CEP128: variants seen among roughly 807,000 people sequenced by gnomAD.
The protein encoded by CEP128 is centrosomal protein 128kDa.
In CEP128, 132 loss-of-function variants were observed where a neutral mutation model predicts 156.7. The ratio of observed to expected loss-of-function variants is 0.84; its 90% CI spans 0.73 to 0.97. CEP128 has a LOEUF of 0.97. Among genes scored for constraint, CEP128 ranks in the 50% least tolerant of loss-of-function variants. The pLI is 0.00. For missense variants in CEP128, 1,252 were observed against 1,281.9 expected (o/e 0.98, Z 0.36); for synonymous variants, 469 against 448.9 (o/e 1.04, Z -0.57).
At chr14:80,518,883 T>G (rs1888611344) in intron 23 of CEP128, among the ~76,000 whole-genome samples, 1 of 152,162 alleles carries the variant, frequency 6.6e-6, no homozygotes, top group Admixed American at 6.5e-5. Flanking sequence ...TAAAAATATT[T>G]CAAAATGCTT....
At chr14:80,518,670 T>C (rs1888602595) in intron 23 of CEP128, among the ~76,000 whole-genome samples, 1 of 152,246 alleles carries the variant, frequency 6.6e-6, no homozygotes, top group Non-Finnish European at 1.5e-5. Flanking sequence ...CACACATTTA[T>C]GACTGTTATT....
chr14:80,531,271 A>G (rs1263964279), intron 21 of CEP128, among the ~76,000 whole-genome samples: 2 of 152,218 alleles, frequency 1.3e-5, no homozygotes, highest in African/African-American at 4.8e-5. Flanking sequence ...ATCTGCAGTT[A>G]CTTATCTATG....
chr14:80,643,927 G>A (rs1199904759), intron 19 of CEP128, among the ~76,000 whole-genome samples: 1 of 152,194 alleles, frequency 6.6e-6, no homozygotes, highest in African/African-American at 2.4e-5. Flanking sequence ...GAGATAGCGT[G>A]AGTCAAGGAT....
At chr14:80,883,218 A>G (rs896798989) in intron 8 of CEP128, among the ~76,000 whole-genome samples, 1 of 152,118 alleles carries the variant, frequency 6.6e-6, no homozygotes, top group Non-Finnish European at 1.5e-5. Context: ...ATTTTTTAAA[A>G]TAAAATAGAA....
intron 19 of CEP128, among the ~76,000 whole-genome samples, chr14:80,710,360 T>G (rs996840225): frequency 6.6e-6 from 1 of 152,122 alleles, no homozygotes; most frequent in East Asian, 1.9e-4. Flanking sequence ...AATTCAGATT[T>G]AACTCTTGAA....
At chr14:80,869,094 A>G (rs143888858) in intron 8 of CEP128, among the ~76,000 whole-genome samples, 1 of 146,352 alleles carries the variant, frequency 6.8e-6, no homozygotes, top group African/African-American at 2.5e-5. Flanking sequence ...ATAGAGAAAC[A>G]TTAGACTTGA....
chr14:80,830,854 A>C lies in CEP128; in HGVS notation c.1209+289T>G, dbSNP rs542301330. Reference sequence around the variant, plus strand: ...CCCTTCTGTCTGTAGAAAGGGTTCAATTGCTATTAGAACAAAAATATTTTC... The same window carrying C: ...CCCTTCTGTCTGTAGAAAGGGTTCACTTGCTATTAGAACAAAAATATTTTC... On this transcript the variant is annotated intron_variant, in intron 13 of 24. Coordinates refer to ENST00000555265, the MANE Select transcript of CEP128 (RefSeq NM_152446.5). The C allele has an allele frequency of 1.0e-5, 3 of 295,686 alleles. No individual in the cohort carries two copies. In the South Asian group the frequency reaches 1.4e-4, roughly 13 times the overall value. 18.3% of individuals were successfully genotyped at this position (295,686 alleles called of 1,614,324 possible).
chr14:80,500,172 A>T (rs144628865), intron 24 of CEP128, among the ~76,000 whole-genome samples: 1 of 152,242 alleles, frequency 6.6e-6, no homozygotes, highest in African/African-American at 2.4e-5. Flanking sequence ...CACTTCAGAG[A>T]CCACAAATTA....
chr14:80,815,414 G>A (rs60831956), intron 13 of CEP128, among the ~76,000 whole-genome samples: 9,887 of 152,040 alleles, frequency 0.065, 1,070 homozygotes, highest in African/African-American at 0.23. Flanking sequence ...ATCAAAAAAT[G>A]CCAGATGTTG....
chr14:80,683,837 G>A (rs894271821), intron 19 of CEP128, among the ~76,000 whole-genome samples: 5 of 151,918 alleles, frequency 3.3e-5, no homozygotes, highest in African/African-American at 9.7e-5. Context: ...ACAATTATAC[G>A]AAAATGAAAA....
intron 19 of CEP128, among the ~76,000 whole-genome samples, chr14:80,679,579 G>A (rs554807577): frequency 1.3e-5 from 2 of 152,240 alleles, no homozygotes; most frequent in Admixed American, 1.3e-4. Flanking sequence ...CTCAAACCCT[G>A]TTTCCTGTTA....
chr14:80,664,985 C>T (rs1208186659), intron 19 of CEP128, among the ~76,000 whole-genome samples: 1 of 152,216 alleles, frequency 6.6e-6, no homozygotes, highest in African/African-American at 2.4e-5. Flanking sequence ...GGATATCCTA[C>T]TGATCTTTAC....
chr14:80,758,476 C>T (rs1899785933), intron 17 of CEP128, among the ~76,000 whole-genome samples: 2 of 148,448 alleles, frequency 1.3e-5, no homozygotes, highest in African/African-American at 5.0e-5. Context: ...GAGCAGAGAT[C>T]GTGCCATTGC....
chr14:80,874,401 T>C (rs1221539814), intron 8 of CEP128, among the ~76,000 whole-genome samples: 2 of 150,702 alleles, frequency 1.3e-5, no homozygotes, highest in Admixed American at 6.6e-5. Flanking sequence ...GAGGTGGAGG[T>C]TGCAGCGAGC....
chr14:80,705,126 A>G (rs1424941327), intron 19 of CEP128, among the ~76,000 whole-genome samples: 12 of 152,052 alleles, frequency 7.9e-5, no homozygotes, highest in Admixed American at 7.2e-4. Context: ...ACAGCATATC[A>G]TGAAAGAAGT....
chr14:80,843,717 T>C (rs988877658), intron 9 of CEP128, among the ~76,000 whole-genome samples: 1 of 152,060 alleles, frequency 6.6e-6, no homozygotes, highest in African/African-American at 2.4e-5. Flanking sequence ...AGTTACAAGT[T>C]GTTTATATTT....
At chr14:80,749,246 T>C (rs1392038069) in intron 18 of CEP128, among the ~76,000 whole-genome samples, 3 of 152,136 alleles carry the variant, frequency 2.0e-5, no homozygotes, top group Non-Finnish European at 4.4e-5. Context: ...AAACTAAAAA[T>C]AGAGCTACCA....
At chr14:80,789,093 G>C (rs1256665069) in intron 14 of CEP128, among the ~76,000 whole-genome samples, 1 of 152,142 alleles carries the variant, frequency 6.6e-6, no homozygotes, top group Non-Finnish European at 1.5e-5. Context: ...AGTGGAAAAA[G>C]TGGAAAGTCG....
chr14:80,520,981 C>T (rs971235184), intron 23 of CEP128, among the ~76,000 whole-genome samples: 11 of 149,834 alleles, frequency 7.3e-5, no homozygotes, highest in Non-Finnish European at 1.3e-4. Flanking sequence ...CGCCACCACG[C>T]CCAGCTAATT....
Sources: gnomAD v4.1 joint callset for allele counts (sites outside exome capture counted in the v4.1 genomes callset) on GRCh38, gnomAD v4.1.1 for gene constraint, MANE v1.5 for transcripts, NCBI Gene and HGNC (gene_info 2026-07-23, HGNC 2026-07-21) for gene names.